AKAP19: variants seen among roughly 807,000 people sequenced by gnomAD.
AKAP19 encodes the protein small A-kinase anchoring protein.
chr2:189,889,619 C>T, the AKAP19 span, among the ~76,000 whole-genome samples: 1 of 152,104 alleles, frequency 6.6e-6, no homozygotes, highest in African/African-American at 2.4e-5. Flanking sequence ...TATTATTGGC[C>T]TATTCAGGGA....
chr2:190,150,212 TC>T, the AKAP19 span: 1 of 152,132 alleles, frequency 6.6e-6, no homozygotes, highest in Non-Finnish European at 1.5e-5. Context: ...ATTTGCGCCC[TC>T]CCCCGAGTTC....
the AKAP19 span, among the ~76,000 whole-genome samples, chr2:190,004,539 T>C: frequency 2.6e-5 from 4 of 152,248 alleles, no homozygotes; most frequent in Middle Eastern, 0.01. Flanking sequence ...TGAACACTAT[T>C]TTCTTCTTTT....
At chr2:190,059,778 C>A in the AKAP19 span, among the ~76,000 whole-genome samples, 1 of 151,728 alleles carries the variant, frequency 6.6e-6, no homozygotes, top group East Asian at 1.9e-4. Context: ...TAATGAAAAG[C>A]ACTTTATATT....
chr2:189,984,102 T>G, the AKAP19 span, among the ~76,000 whole-genome samples: 3 of 152,164 alleles, frequency 2.0e-5, no homozygotes, highest in South Asian at 2.1e-4. Context: ...AAATTGCTAA[T>G]GAAGTTTCAG....
chr2:189,908,325 C>T, the AKAP19 span, among the ~76,000 whole-genome samples: 1 of 151,704 alleles, frequency 6.6e-6, no homozygotes, highest in Non-Finnish European at 1.5e-5. Context: ...TCCCAAGTAG[C>T]TAGGATTACA....
At chr2:190,035,008 A>G in the AKAP19 span, among the ~76,000 whole-genome samples, 3 of 152,060 alleles carry the variant, frequency 2.0e-5, no homozygotes, top group Non-Finnish European at 2.9e-5. Flanking sequence ...TGTTTTATCT[A>G]TTCCCTAACT....
the AKAP19 span, among the ~76,000 whole-genome samples, chr2:189,972,389 G>T: frequency 1.3e-5 from 2 of 152,320 alleles, no homozygotes; most frequent in East Asian, 3.9e-4. Flanking sequence ...CTGTAGTCTT[G>T]TAGTATAGTT....
At chr2:189,953,501 G>A in the AKAP19 span, among the ~76,000 whole-genome samples, 2 of 151,808 alleles carry the variant, frequency 1.3e-5, no homozygotes, top group African/African-American at 4.8e-5. Flanking sequence ...AGGCATGGTG[G>A]TGCATGCCTG....
chr2:189,929,429 G>C, the AKAP19 span, among the ~76,000 whole-genome samples: 11 of 151,896 alleles, frequency 7.2e-5, no homozygotes, highest in Non-Finnish European at 7.4e-5. Flanking sequence ...CAATAAATCA[G>C]AATTCTTAAT....
At chr2:189,883,507 G>GTTTT in the AKAP19 span, among the ~76,000 whole-genome samples, 511 of 123,760 alleles carry the variant, frequency 4.1e-3, 6 homozygotes, top group African/African-American at 0.014. Context: ...GTTTCTTCCT[G>GTTTT]TTTTTTTTTT....
the AKAP19 span, among the ~76,000 whole-genome samples, chr2:189,913,554 G>A: frequency 6.6e-6 from 1 of 152,034 alleles, no homozygotes; most frequent in Non-Finnish European, 1.5e-5. Context: ...AGTGATTACT[G>A]ATCATTTATT....
the AKAP19 span, among the ~76,000 whole-genome samples, chr2:190,051,832 T>TTATTTATTTATTTATTTATG: frequency 6.6e-6 from 1 of 151,196 alleles, no homozygotes; most frequent in East Asian, 1.9e-4. Context: ...TTTTATTTAT[T>TTATTTATTTATTTATTTATG]TATTTATTTA....
chr2:189,995,090 T>C, the AKAP19 span, among the ~76,000 whole-genome samples: 17 of 152,340 alleles, frequency 1.1e-4, no homozygotes, highest in African/African-American at 4.1e-4. Flanking sequence ...GAAAATAATG[T>C]ATATTCTGTG....
chr2:189,947,534 C>A, the AKAP19 span, among the ~76,000 whole-genome samples: 11 of 152,154 alleles, frequency 7.2e-5, no homozygotes, highest in East Asian at 2.1e-3. Flanking sequence ...AGGTTTGAAT[C>A]CCAATACTGG....
At chr2:190,020,440 G>A in the AKAP19 span, among the ~76,000 whole-genome samples, 1 of 151,996 alleles carries the variant, frequency 6.6e-6, no homozygotes, top group South Asian at 2.1e-4. Context: ...AACTTCTCAT[G>A]AACAATTTCA....
At chr2:189,964,712 T>C in the AKAP19 span, among the ~76,000 whole-genome samples, 11 of 152,306 alleles carry the variant, frequency 7.2e-5, no homozygotes, top group South Asian at 2.3e-3. Flanking sequence ...CCTATGTTAG[T>C]CTCAAACATT....
the AKAP19 span, among the ~76,000 whole-genome samples, chr2:190,073,532 C>A: frequency 6.6e-6 from 1 of 151,760 alleles, no homozygotes; most frequent in Non-Finnish European, 1.5e-5. Flanking sequence ...CTAAAAGCCA[C>A]CCTTCTAGAA....
the AKAP19 span, among the ~76,000 whole-genome samples, chr2:189,981,857 T>C: frequency 6.6e-6 from 1 of 152,210 alleles, no homozygotes; most frequent in Admixed American, 6.5e-5. Context: ...GTAAGGTTTC[T>C]GCTGAGAAGT....
the AKAP19 span, among the ~76,000 whole-genome samples, chr2:190,018,377 G>C: frequency 6.6e-6 from 1 of 151,656 alleles, no homozygotes; most frequent in Admixed American, 6.6e-5. Context: ...GATTTACAGT[G>C]TTCTATCTTT....
Sources: allele counts gnomAD v4.1 joint callset (sites outside exome capture counted in the v4.1 genomes callset), GRCh38; gene constraint gnomAD v4.1.1; transcripts MANE v1.5; gene names NCBI Gene and HGNC (gene_info 2026-07-23, HGNC 2026-07-21).